COA1: variants seen among roughly 807,000 people sequenced by gnomAD.
COA1 encodes cytochrome c oxidase assembly factor 1 homolog.
A neutral mutation model predicts 16.0 loss-of-function variants in COA1; 13 were observed. The ratio of observed to expected loss-of-function variants is 0.81; its 90% CI spans 0.53 to 1.29. The LOEUF is 1.29. Ranked by LOEUF, COA1 falls within the 50% of genes most tolerant of loss-of-function variation. The pLI is 0.00. For missense variants in COA1, 179 were observed against 177.0 expected, an observed-to-expected ratio of 1.01 and a Z score of -0.06; for synonymous variants, 65 against 65.7, an observed-to-expected ratio of 0.99 and a Z score of 0.05.
At chr7:43,714,654 A>C (rs1384572399) in intron 1 of COA1, among the ~76,000 whole-genome samples, 1 of 151,638 alleles carries the variant, frequency 6.6e-6, no homozygotes, top group Non-Finnish European at 1.5e-5. Flanking sequence ...TTATATATTG[A>C]GAAAATGTAT....
At chr7:43,664,391 A>G (rs62461088) in intron 1 of COA1, among the ~76,000 whole-genome samples, 13,002 of 152,234 alleles carry the variant, frequency 0.085, 649 homozygotes, top group East Asian at 0.18. Flanking sequence ...TTTTTAAATC[A>G]CATAAAATCT....
chr7:43,673,601 G>A (rs561552145), intron 1 of COA1, among the ~76,000 whole-genome samples: 9 of 152,214 alleles, frequency 5.9e-5, no homozygotes, highest in Admixed American at 1.3e-4. Context: ...CTCAAAGAAC[G>A]CAAAGCAGAA....
intron 1 of COA1, among the ~76,000 whole-genome samples, chr7:43,691,437 GAAA>G (rs2094356187): frequency 9.0e-6 from 1 of 110,816 alleles, no homozygotes; most frequent in Non-Finnish European, 1.9e-5. Flanking sequence ...AAGAAAGAAA[GAAA>G]GAAAGAAAGA....
At chr7:43,658,992 A>C (rs1250250297) in intron 1 of COA1, 2 of 152,318 alleles carry the variant, frequency 1.3e-5, no homozygotes, top group Non-Finnish European at 2.9e-5. Context: ...AGTGTAAGAG[A>C]AGATGCTGAA....
At chr7:43,703,204 G>T (rs1301792243) in intron 1 of COA1, among the ~76,000 whole-genome samples, 2 of 152,118 alleles carry the variant, frequency 1.3e-5, no homozygotes, top group African/African-American at 4.8e-5. Context: ...TGACAGTGTG[G>T]TTAGCATGAT....
chr7:43,691,400 GAAGGAAGGAAGGAAGA>G (rs2094334777), intron 1 of COA1, among the ~76,000 whole-genome samples: 2 of 109,232 alleles, frequency 1.8e-5, no homozygotes, highest in Admixed American at 1.0e-4. Context: ...AGGAAGGAAG[GAAGGAAGGAAGGAAGA>G]AAGAAAAAGA....
At chr7:43,709,789 C>A (rs567139775) in intron 1 of COA1, among the ~76,000 whole-genome samples, 14 of 152,150 alleles carry the variant, frequency 9.2e-5, no homozygotes, top group African/African-American at 3.4e-4. Flanking sequence ...ATAAATTTAT[C>A]TTTTAATGAT....
chr7:43,625,809 T>C (rs2084462674), intron 6 of COA1: 1 of 151,802 alleles, frequency 6.6e-6, no homozygotes, highest in Admixed American at 6.6e-5. Flanking sequence ...CTGTTTCTGC[T>C]GAGTTTCTTA....
At chr7:43,635,603 T>G (rs1381382165), downstream of COA1, among the ~76,000 whole-genome samples, 1 of 152,142 alleles carries the variant, frequency 6.6e-6, no homozygotes. Flanking sequence ...CACACCTAAG[T>G]TCAACGAGGC....
chr7:43,646,209 G>C (rs141731234), intron 3 of COA1: 184 of 192,630 alleles, frequency 9.6e-4, no homozygotes, highest in African/African-American at 4.1e-3. Flanking sequence ...CCCCTCCTGG[G>C]CTGCTTCCCA....
At chr7:43,693,439 C>A (rs1165020807) in intron 1 of COA1, among the ~76,000 whole-genome samples, 1 of 152,124 alleles carries the variant, frequency 6.6e-6, no homozygotes, top group Non-Finnish European at 1.5e-5. Flanking sequence ...TAATCCAGTA[C>A]TCCACTTGAC....
At chr7:43,705,818 G>A (rs148037439) in intron 1 of COA1, among the ~76,000 whole-genome samples, 9 of 152,248 alleles carry the variant, frequency 5.9e-5, no homozygotes, top group Admixed American at 2.6e-4. Flanking sequence ...AGAGGTCCGC[G>A]GCAAGAGTGG....
At chr7:43,720,616 T>C (rs980524525) in intron 1 of COA1, among the ~76,000 whole-genome samples, 3 of 152,190 alleles carry the variant, frequency 2.0e-5, no homozygotes, top group Admixed American at 2.0e-4. Context: ...ATCATTGTTC[T>C]GTGCAACGAG....
At chr7:43,625,338 A>G (rs1448601267) in intron 6 of COA1, 2 of 152,536 alleles carry the variant, frequency 1.3e-5, no homozygotes, top group East Asian at 3.8e-4. Flanking sequence ...TTAGAATAAC[A>G]TTCACTAAAG....
chr7:43,690,412 T>C (rs1201469844), intron 1 of COA1, among the ~76,000 whole-genome samples: 1 of 152,108 alleles, frequency 6.6e-6, no homozygotes, highest in African/African-American at 2.4e-5. Flanking sequence ...TATATGTATG[T>C]ACAGACACAC....
intron 6 of COA1, chr7:43,624,385 T>C (rs1303643143): frequency 1.2e-6 from 1 of 852,996 alleles, no homozygotes; most frequent in Non-Finnish European, 1.7e-6. Flanking sequence ...AATAGTTTTA[T>C]TCAGGAATCA....
chr7:43,665,214 T>A (rs1159356081), intron 1 of COA1, among the ~76,000 whole-genome samples: 1 of 152,178 alleles, frequency 6.6e-6, no homozygotes, highest in Non-Finnish European at 1.5e-5. Flanking sequence ...AAACAGACAT[T>A]TTCCTGAAAA....
intron 1 of COA1, among the ~76,000 whole-genome samples, chr7:43,717,788 A>G (rs1259153792): frequency 6.6e-6 from 1 of 152,168 alleles, no homozygotes; most frequent in African/African-American, 2.4e-5. Flanking sequence ...GAGGGACCCA[A>G]TGGGAGATAA....
At chr7:43,663,721 A>G (rs1414551333) in intron 1 of COA1, among the ~76,000 whole-genome samples, 1 of 150,370 alleles carries the variant, frequency 6.7e-6, no homozygotes, top group Non-Finnish European at 1.5e-5. Flanking sequence ...AAACCCACTG[A>G]CCATCAACTC....
Sources: allele counts gnomAD v4.1 joint callset (sites outside exome capture counted in the v4.1 genomes callset), GRCh38; gene constraint gnomAD v4.1.1; transcripts MANE v1.5; gene names NCBI Gene and HGNC (gene_info 2026-07-23, HGNC 2026-07-21).